The following FBP1 variants were observed in gnomAD, a reference collection of about 807,000 sequenced individuals.
The protein encoded by FBP1 is fructose-1,6-bisphosphatase 1.
In FBP1, 22 loss-of-function variants were observed where a neutral mutation model predicts 29.9. The ratio of observed to expected loss-of-function variants is 0.74; its 90% CI spans 0.53 to 1.05. The LOEUF is 1.05. Among genes scored for constraint, FBP1 ranks in the 50% least tolerant of loss-of-function variants. FBP1 has a pLI of 0.00. For synonymous variants in FBP1, 175 were observed against 178.6 expected, an observed-to-expected ratio of 0.98 and a Z score of 0.16; for missense variants, 345 against 448.2, an observed-to-expected ratio of 0.77 and a Z score of 2.08.
chr9:94,635,222 G>C (rs571038607), intron 1 of FBP1, among the ~76,000 whole-genome samples: 5 of 152,100 alleles, frequency 3.3e-5, no homozygotes, highest in African/African-American at 4.8e-5. Flanking sequence ...GGGTTCCTGA[G>C]ATCCCGGCCA....
chr9:94,613,952 G>A (rs1827824747), intron 3 of FBP1, among the ~76,000 whole-genome samples: 1 of 150,816 alleles, frequency 6.6e-6, no homozygotes, highest in Non-Finnish European at 1.5e-5. Flanking sequence ...GTGGTGGCGG[G>A]CGCCTGTAGT....
At chr9:94,617,158 C>T (rs985247429) in intron 3 of FBP1, among the ~76,000 whole-genome samples, 1 of 152,178 alleles carries the variant, frequency 6.6e-6, no homozygotes, top group Non-Finnish European at 1.5e-5. Context: ...TTTGACAGTG[C>T]AGCAGAGAAT....
At chr9:94,625,817 C>G (rs1362156482) in intron 1 of FBP1, among the ~76,000 whole-genome samples, 1 of 151,838 alleles carries the variant, frequency 6.6e-6, no homozygotes, top group Non-Finnish European at 1.5e-5. Flanking sequence ...ACGGAGCTGC[C>G]CGCGTCCACC....
intron 1 of FBP1, among the ~76,000 whole-genome samples, chr9:94,628,870 T>A (rs1828063075): frequency 6.6e-6 from 1 of 152,238 alleles, no homozygotes. Flanking sequence ...TAATCATGAT[T>A]CACACTATAT....
chr9:94,617,962 A>C, intron 2 of FBP1, 102 bp from the exon 3 acceptor site: 1 of 883,116 alleles, frequency 1.1e-6, no homozygotes, highest in Non-Finnish European at 1.8e-6. Context: ...AGAAAGTTCA[A>C]AAAATGTGGG....
At chr9:94,624,229 TC>T (rs1176748976) in intron 1 of FBP1, among the ~76,000 whole-genome samples, 2 of 151,096 alleles carry the variant, frequency 1.3e-5, no homozygotes, top group Non-Finnish European at 2.9e-5. Context: ...TCCCAGCTAC[TC>T]AGGAGGCTGA....
At chr9:94,614,184 A>AGGAGCAGGGGGAGGAGGAGGGAG (rs1474759341) in intron 3 of FBP1, among the ~76,000 whole-genome samples, 2 of 112,138 alleles carry the variant, frequency 1.8e-5, no homozygotes, top group Non-Finnish European at 3.5e-5. Context: ...GGGGACGAGG[A>AGGAGCAGGGGGAGGAGGAGGGAG]GGAGCAGGGG....
rs909218991 is a variant in FBP1 at position 94,639,442 on chromosome 9, C to G, written c.-132G>C. The G allele has an allele frequency of 2.8e-6, 3 of 1,054,628 alleles. No individual in the cohort carries two copies. Among genetic ancestry groups the G allele is most frequent in the Non-Finnish European group, 4.2e-6 (3 of 705,936 alleles). 65.3% of individuals were successfully genotyped at this position (1,054,628 alleles called of 1,614,324 possible). On this transcript the variant is annotated 5_prime_UTR_variant, in exon 1 of 7. Transcript: ENST00000375326. Reference sequence around the variant, plus strand: ...GCAGGTGCGGGCGGCAGGTGCGGGCCGCGGGACCTGGCGGGAGGACTGACA... The same window carrying G: ...GCAGGTGCGGGCGGCAGGTGCGGGCGGCGGGACCTGGCGGGAGGACTGACA...
intron 4 of FBP1, among the ~76,000 whole-genome samples, chr9:94,609,516 G>A (rs1827751347): frequency 6.6e-6 from 1 of 152,074 alleles, no homozygotes; most frequent in African/African-American, 2.4e-5. Flanking sequence ...AGAAGCCTTG[G>A]CAAGGCGGGC....
chr9:94,629,970 C>G (rs540407700), intron 1 of FBP1, among the ~76,000 whole-genome samples: 4 of 152,126 alleles, frequency 2.6e-5, no homozygotes, highest in Admixed American at 2.6e-4. Context: ...GAAATTAGAA[C>G]CTTACAGGCA....
At chr9:94,619,382 G>A (rs1827909043) in intron 2 of FBP1, among the ~76,000 whole-genome samples, 1 of 152,086 alleles carries the variant, frequency 6.6e-6, no homozygotes, top group Admixed American at 6.6e-5. Flanking sequence ...GGGAAAGATA[G>A]TAAGCCCATA....
chr9:94,606,817 G>A lies in FBP1; in HGVS notation c.703C>T (p.Pro235Ser), dbSNP rs995953142. The change falls in exon 5 of 7, where the codon CCA becomes TCA. Residue 235 changes from proline (P) to serine (S), a missense_variant and splice_region_variant. By Grantham distance (74) the Pro-to-Ser change is moderately conservative. Transcript: ENST00000375326. ...TEYIQRKKFP[P>S]DNSAPYGARY... is the part of the protein sequence containing the mutation. Reference sequence around the variant, plus strand: ...ACCCTCCCCGGGCCCTCACTTACTGGGGGGAACTTCTTCCTCTGGATGTAC... The same window carrying A: ...ACCCTCCCCGGGCCCTCACTTACTGAGGGGAACTTCTTCCTCTGGATGTAC... 2.5e-6 allele frequency: 4 copies of A among 1,613,450 alleles called. No homozygotes were observed. Among genetic ancestry groups the A allele is most frequent in the South Asian group, 1.1e-5 (1 of 91,044 alleles).
intron 1 of FBP1, among the ~76,000 whole-genome samples, chr9:94,631,961 T>G (rs1828110016): frequency 6.6e-6 from 1 of 152,108 alleles, no homozygotes; most frequent in South Asian, 2.1e-4. Context: ...GGATGGAACG[T>G]GGCTGTCTGC....
chr9:94,639,064 G>T (rs1828242169), intron 1 of FBP1, 77 bp downstream of exon 1: 3 of 1,417,808 alleles, frequency 2.1e-6, no homozygotes, highest in East Asian at 5.0e-5. Context: ...AGGCTCAGAG[G>T]GCCCAACGTC....
At chr9:94,614,855 G>A (rs1827839443) in intron 3 of FBP1, among the ~76,000 whole-genome samples, 1 of 152,140 alleles carries the variant, frequency 6.6e-6, no homozygotes, top group Non-Finnish European at 1.5e-5. Context: ...AAACTGAAAT[G>A]ACTTAGAGGT....
intron 6 of FBP1, among the ~76,000 whole-genome samples, chr9:94,604,462 G>C (rs549216982): frequency 1.1e-3 from 152 of 144,488 alleles, no homozygotes; most frequent in Non-Finnish European, 1.2e-4. Flanking sequence ...TAAGGGAACT[G>C]TTGTTCCTGT....
chr9:94,603,422 G>A lies in FBP1; in HGVS notation c.976C>T (p.Leu326Phe), dbSNP rs767153010. ...TTCTCATACACCTTCAGGAACTCGA[G>A]CACGTCGTCGGGGGATCCCAAGATC... ...PVILGSPDDV[L>F]EFLKVYEKHS... The change falls in exon 7 of 7, where the codon CTC (leucine) becomes TTC (phenylalanine). Residue 326 changes from leucine to phenylalanine, a missense_variant. Physicochemically the swap from Leu to Phe is conservative, Grantham distance 22. Transcript: ENST00000375326. 4.3e-6 allele frequency: 7 copies of A among 1,614,060 alleles called. No homozygotes were observed. The Admixed American group carries it at 1.0e-4, about 23-fold the overall frequency.
At chr9:94,627,258 G>A (rs1319511629) in intron 1 of FBP1, among the ~76,000 whole-genome samples, 1 of 151,788 alleles carries the variant, frequency 6.6e-6, no homozygotes, top group Non-Finnish European at 1.5e-5. Context: ...GGGAGGCTGA[G>A]ATAGGAGAGT....
chr9:94,629,662 G>A (rs556529932), intron 1 of FBP1, among the ~76,000 whole-genome samples: 2 of 152,102 alleles, frequency 1.3e-5, no homozygotes, highest in African/African-American at 4.8e-5. Context: ...GTAGGGGGGA[G>A]GGTCTAGTCT....
Sources: gnomAD v4.1 joint callset for allele counts (sites outside exome capture counted in the v4.1 genomes callset) on GRCh38, gnomAD v4.1.1 for gene constraint, MANE v1.5 for transcripts, NCBI Gene and HGNC (gene_info 2026-07-23, HGNC 2026-07-21) for gene names.